CELF2: variants seen among roughly 807,000 people sequenced by gnomAD.
The protein encoded by CELF2 is CUG triplet repeat RNA-binding protein 2.
CELF2 carries 8 observed loss-of-function variants against 62.6 expected under a neutral mutation model. That is an observed-to-expected ratio of 0.13 (90% CI 0.07 to 0.23). The LOEUF is 0.23. CELF2 is among the 10% of genes least tolerant of loss of function. The pLI is 1.00. For synonymous variants in CELF2, 258 were observed against 250.0 expected, an observed-to-expected ratio of 1.03 and a Z score of -0.30; for missense variants, 333 against 671.0, an observed-to-expected ratio of 0.50 and a Z score of 5.56.
chr10:11,106,170 C>G (rs1000943618), intron 1 of CELF2, among the ~76,000 whole-genome samples: 6 of 151,754 alleles, frequency 4.0e-5, no homozygotes, highest in Non-Finnish European at 7.4e-5. Context: ...AAACCCAGAA[C>G]TTGGTCATCT....
rs1565030031 is a variant in CELF2, at chr10:11,165,453, C to T, written c.75-33C>T. 6.2e-7 allele frequency: 1 copy of T among 1,605,980 alleles called. No individual in the cohort carries two copies. Among genetic ancestry groups the T allele is most frequent in the Non-Finnish European group, 8.5e-7 (1 of 1,175,408 alleles). On this transcript the variant is annotated intron_variant, in intron 1 of 12. Transcript: ENST00000633077. The surrounding 1 kb of genome is among the most constrained non-coding windows in gnomAD (Gnocchi z 7.4). Reference sequence around the variant, plus strand: ...TTCTTCCTGTCCCTCATCGTGCCGCCCTAACTCTGGCTCCCGGTTCCGTTT... The same window carrying T: ...TTCTTCCTGTCCCTCATCGTGCCGCTCTAACTCTGGCTCCCGGTTCCGTTT...
chr10:10,837,256 G>A (rs1344902174), intron 1 of CELF2, among the ~76,000 whole-genome samples: 2 of 152,166 alleles, frequency 1.3e-5, no homozygotes, highest in African/African-American at 2.4e-5. Context: ...AGTCTCATGA[G>A]ATCTAATGAT....
chr10:11,265,317 C>A (rs1305719605), intron 5 of CELF2, among the ~76,000 whole-genome samples: 1 of 152,168 alleles, frequency 6.6e-6, no homozygotes, highest in Non-Finnish European at 1.5e-5. Context: ...TAGACGTCAG[C>A]CTCTCAGTGT....
At chr10:11,078,468 G>A (rs949950110) in intron 1 of CELF2, among the ~76,000 whole-genome samples, 8 of 152,114 alleles carry the variant, frequency 5.3e-5, no homozygotes, top group Non-Finnish European at 1.5e-5. Context: ...GTCCCTAAAT[G>A]TATTTTTCCT....
At chr10:10,746,231 C>T in the CELF2 span, among the ~76,000 whole-genome samples, 116 of 152,296 alleles carry the variant, frequency 7.6e-4, no homozygotes, top group Non-Finnish European at 1.3e-3. Flanking sequence ...CATTCTTTGA[C>T]GGCAACAAGT....
Position 11,321,403 on chromosome 10 carries a change from G to T in CELF2, c.1294+17G>T. 6.3e-7 allele frequency: 1 copy of T among 1,598,764 alleles called. No homozygotes were observed. Among genetic ancestry groups the T allele is most frequent in the African/African-American group, 1.3e-5 (1 of 74,974 alleles). On this transcript the variant is annotated intron_variant, in intron 11 of 12. Transcript: ENST00000633077. This position sits in a 1 kb window ranked among gnomAD's most constrained non-coding sequence, Gnocchi z 6.2. ...AGAAGGAAGGTAGGTGCCGCCCTTG[G>T]CCCCAGGCAGGGCCCAGCCCAACAG...
At chr10:10,873,406 C>A (rs1189192342) in intron 1 of CELF2, among the ~76,000 whole-genome samples, 1 of 152,052 alleles carries the variant, frequency 6.6e-6, no homozygotes, top group African/African-American at 2.4e-5. Context: ...AGTGATAAAA[C>A]TATTAATTGG....
Position 11,270,474 on chromosome 10 carries a change from C to G in CELF2, c.619-192C>G, listed in dbSNP as rs1300367401. On this transcript the variant is annotated intron_variant, in intron 6 of 12. Coordinates refer to ENST00000633077, the MANE Select transcript of CELF2 (RefSeq NM_001326342.2). This position sits in a 1 kb window ranked among gnomAD's most constrained non-coding sequence, Gnocchi z 5.8. ...CGACCACCAGATCCCCCAAAGAAAC[C>G]ACTGGCAGTGTCTGGAATTTTCTGT... 2.0e-5 allele frequency among the ~76,000 whole-genome samples: 3 copies of G among 152,168 alleles called. No homozygotes were observed. The highest frequency in any genetic ancestry group is 7.2e-5 in the African/African-American group (3 of 41,452).
At chr10:10,467,588 C>T in the CELF2 span, among the ~76,000 whole-genome samples, 1 of 151,978 alleles carries the variant, frequency 6.6e-6, no homozygotes, top group Admixed American at 6.6e-5. Flanking sequence ...AGAATTTGCT[C>T]ATAAATATTT....
intron 1 of CELF2, among the ~76,000 whole-genome samples, chr10:10,848,987 T>C (rs1305987968): frequency 6.6e-6 from 1 of 152,222 alleles, no homozygotes; most frequent in African/African-American, 2.4e-5. Flanking sequence ...CTCACTATCC[T>C]GGACTCCCCC....
chr10:10,745,606 C>G, the CELF2 span, among the ~76,000 whole-genome samples: 1 of 152,114 alleles, frequency 6.6e-6, no homozygotes, highest in Admixed American at 6.5e-5. Context: ...AATTTTAAAC[C>G]AGTTCCATTT....
the CELF2 span, among the ~76,000 whole-genome samples, chr10:10,613,319 A>C: frequency 6.6e-6 from 1 of 152,196 alleles, no homozygotes; most frequent in African/African-American, 2.4e-5. Context: ...AGAGTTTAAA[A>C]TGGGTATTTA....
chr10:10,722,368 T>C, the CELF2 span, among the ~76,000 whole-genome samples: 3,723 of 152,274 alleles, frequency 0.024, 144 homozygotes, highest in African/African-American at 0.084. Context: ...TACATGCCTT[T>C]GAATAGTGCA....
At chr10:10,849,838 G>T (rs1385022239) in intron 1 of CELF2, among the ~76,000 whole-genome samples, 1 of 141,584 alleles carries the variant, frequency 7.1e-6, no homozygotes, top group Non-Finnish European at 1.6e-5. Context: ...ACAAGCAATT[G>T]CTTTAAAAAA....
At chr10:10,641,478 T>C in the CELF2 span, among the ~76,000 whole-genome samples, 1 of 152,184 alleles carries the variant, frequency 6.6e-6, no homozygotes, top group Non-Finnish European at 1.5e-5. Flanking sequence ...TTTGTTCTTC[T>C]TGTCCAGGCT....
At chr10:11,326,526 A>G (rs940475744) in intron 12 of CELF2, among the ~76,000 whole-genome samples, 1 of 152,184 alleles carries the variant, frequency 6.6e-6, no homozygotes. Flanking sequence ...AGGGGCGTGC[A>G]GCTGTTATCA....
chr10:10,729,238 G>T, the CELF2 span, among the ~76,000 whole-genome samples: 1 of 152,166 alleles, frequency 6.6e-6, no homozygotes, highest in Non-Finnish European at 1.5e-5. Context: ...CCTTAGCTGT[G>T]CCCTTTATTA....
chr10:10,569,189 T>A, the CELF2 span, among the ~76,000 whole-genome samples: 7 of 152,212 alleles, frequency 4.6e-5, no homozygotes, highest in South Asian at 1.5e-3. Flanking sequence ...GATAAAGACA[T>A]ACCTGAGACT....
the CELF2 span, among the ~76,000 whole-genome samples, chr10:10,637,134 T>C: frequency 6.6e-6 from 1 of 152,176 alleles, no homozygotes; most frequent in African/African-American, 2.4e-5. Context: ...GCTAGACTTG[T>C]TTTCCATTAC....
Sources: gnomAD v4.1 joint callset for allele counts (sites outside exome capture counted in the v4.1 genomes callset) on GRCh38, gnomAD v4.1.1 for gene constraint, Gnocchi (gnomAD v3.1) non-coding constraint, MANE v1.5 for transcripts, NCBI Gene and HGNC (gene_info 2026-07-23, HGNC 2026-07-21) for gene names.